The following SLC1A1 variants were observed in gnomAD, a reference collection of about 807,000 sequenced individuals.
SLC1A1 encodes excitatory amino acid transporter 3.
A neutral mutation model predicts 53.3 loss-of-function variants in SLC1A1; 43 were observed. The ratio of observed to expected loss-of-function variants is 0.81; its 90% CI spans 0.63 to 1.04. The LOEUF is 1.04. Ranked by LOEUF, SLC1A1 falls within the 50% of genes least tolerant of loss-of-function variation. The pLI, the probability that SLC1A1 is intolerant of heterozygous loss-of-function variation, is 0.00. For synonymous variants in SLC1A1, 307 were observed against 243.2 expected (o/e 1.26, Z -2.44); for missense variants, 748 against 664.9 (o/e 1.12, Z -1.37).
At chr9:4,563,330 C>A (rs1163130980) in intron 3 of SLC1A1, among the ~76,000 whole-genome samples, 1 of 152,086 alleles carries the variant, frequency 6.6e-6, no homozygotes, top group Non-Finnish European at 1.5e-5. Context: ...TAAAACAAAA[C>A]CACATCATCT....
chr9:4,503,270 A>C (rs1034103224), intron 1 of SLC1A1, among the ~76,000 whole-genome samples: 3 of 151,866 alleles, frequency 2.0e-5, no homozygotes, highest in African/African-American at 7.3e-5. Flanking sequence ...CTGTTAATCA[A>C]ACAGAATTGG....
At chr9:4,557,813 G>T (rs10815021) in intron 2 of SLC1A1, among the ~76,000 whole-genome samples, 2 of 151,816 alleles carry the variant, frequency 1.3e-5, no homozygotes, top group Admixed American at 1.3e-4. Flanking sequence ...GTAGCACATG[G>T]ATAGAGCCAA....
intron 1 of SLC1A1, among the ~76,000 whole-genome samples, chr9:4,527,792 A>C (rs779981204): frequency 6.6e-6 from 1 of 152,020 alleles, no homozygotes; most frequent in Non-Finnish European, 1.5e-5. Context: ...CACTTCACTG[A>C]TCTAGTAGAT....
At chr9:4,579,196 G>A (rs1820835731) in intron 10 of SLC1A1, among the ~76,000 whole-genome samples, 1 of 152,228 alleles carries the variant, frequency 6.6e-6, no homozygotes, top group African/African-American at 2.4e-5. Flanking sequence ...GTGCCAAAGA[G>A]ATTGAGCAAA....
chr9:4,535,530 T>G (rs1816642790), intron 1 of SLC1A1, among the ~76,000 whole-genome samples: 1 of 152,090 alleles, frequency 6.6e-6, no homozygotes, highest in South Asian at 2.1e-4. Flanking sequence ...CAAGGAGAAC[T>G]ACAAACCACT....
intron 7 of SLC1A1, 23 bp from the exon 8 acceptor site, chr9:4,573,884 C>T (rs759001563): frequency 1.4e-6 from 2 of 1,480,222 alleles, no homozygotes; most frequent in South Asian, 2.3e-5. Flanking sequence ...CGGAATCACG[C>T]CTCTGTTGTG....
rs554489215 is a variant in SLC1A1, at chr9:4,520,745, T to G, written c.92-23822T>G. Among the ~76,000 whole-genome samples the G allele has an allele frequency of 2.9e-4, 44 of 152,218 alleles. 1 individual carries two copies. Among genetic ancestry groups the G allele is most frequent in the Admixed American group, 8.5e-4 (13 of 15,284 alleles). ...GAACATTTCTTGTACAGTTTTTGTG[T>G]AAGGACATGTTTTCAATTCCAGAGG... On this transcript the variant is annotated intron_variant, in intron 1 of 11. Coordinates refer to ENST00000262352, the MANE Select transcript of SLC1A1 (RefSeq NM_004170.6).
chr9:4,514,023 T>C (rs978613787), intron 1 of SLC1A1, among the ~76,000 whole-genome samples: 1 of 152,140 alleles, frequency 6.6e-6, no homozygotes, highest in Non-Finnish European at 1.5e-5. Context: ...TAGTGGTTGC[T>C]AGAGGTTAGG....
At position 4,556,981 on chromosome 9, in the gene SLC1A1, G is replaced by A. The variant is rs1367392816; in HGVS notation, c.233-4468G>A. On this transcript the variant is annotated intron_variant, in intron 2 of 11. Transcript: ENST00000262352. This position sits in a 1 kb window ranked among gnomAD's most constrained non-coding sequence, Gnocchi z 4.1. ...GAGATGTTACATGTGTTCCCCTGTG[G>A]AGTCTTTTATGGCTGAAAAGTGTTC... Among the ~76,000 whole-genome samples, 1 of 152,126 alleles carries A rather than the reference G, an allele frequency of 6.6e-6. No individual in the cohort carries two copies. The highest frequency in any genetic ancestry group is 1.5e-5 in the Non-Finnish European group (1 of 68,022).
Position 4,544,515 on chromosome 9 carries a change from G to A in SLC1A1, c.92-52G>A, listed in dbSNP as rs1817290970. 11 of 1,545,562 alleles carry A rather than the reference G, an allele frequency of 7.1e-6. No homozygotes were observed. In the East Asian group the frequency reaches 2.2e-4, roughly 32 times the overall value. The stretch of plus-strand genomic sequence containing the variant: ...GTATTTTTCCATAGACATAGATACA[G>A]GAGAACTCAATAATGTTCCTCTTCC... On this transcript the variant is annotated intron_variant, in intron 1 of 11. Coordinates refer to ENST00000262352, the MANE Select transcript of SLC1A1 (RefSeq NM_004170.6).
At position 4,576,696 on chromosome 9, in the gene SLC1A1, G is replaced by T; in HGVS notation, c.1126G>T (p.Val376Leu). 1 of 1,614,246 alleles carries T rather than the reference G, an allele frequency of 6.2e-7. No individual in the cohort carries two copies. The highest frequency in any genetic ancestry group is 2.2e-5 in the East Asian group (1 of 44,878). ...GGATGGGACTGCGCTCTATGAAGCAGTGGCAGCGGTGTTTATTGCACAGTT... is the reference window on the plus strand; with the variant it reads ...GGATGGGACTGCGCTCTATGAAGCATTGGCAGCGGTGTTTATTGCACAGTT... ...NMDGTALYEA[V>L]AAVFIAQLND... Residue 376 changes from valine to leucine, a missense_variant, in exon 10 of 12, where the codon GTG becomes TTG. Coordinates refer to ENST00000262352, the MANE Select transcript of SLC1A1 (RefSeq NM_004170.6).
chr9:4,528,919 T>A (rs1816367311), intron 1 of SLC1A1, among the ~76,000 whole-genome samples: 1 of 152,102 alleles, frequency 6.6e-6, no homozygotes, highest in Non-Finnish European at 1.5e-5. Context: ...ACTGAACTCA[T>A]CATCTTTAGA....
At chr9:4,508,592 C>G (rs983881194) in intron 1 of SLC1A1, among the ~76,000 whole-genome samples, 3 of 152,180 alleles carry the variant, frequency 2.0e-5, no homozygotes, top group East Asian at 1.9e-4. Flanking sequence ...GAACATCTCA[C>G]AAGTCAGGAG....
In SLC1A1 at chr9:4,583,204, G is replaced by T. The variant is rs985385941; in HGVS notation, c.1328+32G>T. ...TGGAATAAATGCACTGCCTTAGCTG[G>T]ATGTGCAGGCGGGCTTCCCAGCCTC... is the stretch of plus-strand genomic sequence containing the variant. On this transcript the variant is annotated intron_variant, in intron 11 of 11. Transcript: ENST00000262352. The surrounding 1 kb of genome is among the most constrained non-coding windows in gnomAD (Gnocchi z 4.6). 3 of 1,613,950 alleles carry T rather than the reference G, an allele frequency of 1.9e-6. No homozygotes were observed. The African/African-American group carries it at 4.0e-5, about 22-fold the overall frequency.
chr9:4,577,417 G>A lies in SLC1A1; in HGVS notation c.1193+654G>A, dbSNP rs559193865. On this transcript the variant is annotated intron_variant, in intron 10 of 11. Coordinates refer to ENST00000262352, the MANE Select transcript of SLC1A1 (RefSeq NM_004170.6). ...GGTCATGTCATGAAAGGTTTTGTAC[G>A]AAGAGCTTGTGGAAAGCTCTTAGAT... 1.7e-4 allele frequency among the ~76,000 whole-genome samples: 26 copies of A among 152,294 alleles called. 1 individual carries two copies. The highest frequency in any genetic ancestry group is 4.8e-4 in the African/African-American group (20 of 41,554).
chr9:4,556,272 G>A lies in SLC1A1; in HGVS notation c.233-5177G>A, dbSNP rs1006562896. Reference sequence around the variant, plus strand: ...TGACCTCAGGTGATCCACCTGCCTGGGCCTCCCAAAGTGCTGGGATTACCG... The same window carrying A: ...TGACCTCAGGTGATCCACCTGCCTGAGCCTCCCAAAGTGCTGGGATTACCG... On this transcript the variant is annotated intron_variant, in intron 2 of 11. Coordinates refer to ENST00000262352, the MANE Select transcript of SLC1A1 (RefSeq NM_004170.6). This position sits in a 1 kb window ranked among gnomAD's most constrained non-coding sequence, Gnocchi z 4.1. Among the ~76,000 whole-genome samples, 11 of 152,038 alleles carry A rather than the reference G, an allele frequency of 7.2e-5. No individual in the cohort carries two copies. Among genetic ancestry groups the A allele is most frequent in the African/African-American group, 2.7e-4 (11 of 41,408 alleles).
At position 4,536,252 on chromosome 9, in the gene SLC1A1, T is replaced by C. The variant is rs138846257; in HGVS notation, c.92-8315T>C. On this transcript the variant is annotated intron_variant, in intron 1 of 11. Transcript: ENST00000262352. ...CAAAAGAAACTGCCATCAGAGTGAA[T>C]AGGCAACCTACAGAATGGGAGAAAA... is the stretch of plus-strand genomic sequence containing the variant. 7.0e-3 allele frequency among the ~76,000 whole-genome samples: 1,067 copies of C among 152,092 alleles called. 5 individuals carry two copies. The highest frequency in any genetic ancestry group is 0.02 in the Middle Eastern group (6 of 294).
intron 1 of SLC1A1, among the ~76,000 whole-genome samples, chr9:4,531,254 G>A (rs950630125): frequency 3.9e-5 from 6 of 152,216 alleles, no homozygotes; most frequent in African/African-American, 9.6e-5. Context: ...GAAGCAGGGC[G>A]AGGCATCGCC....
rs115110710 is a variant in SLC1A1 at position 4,514,762 on chromosome 9, A to G, written c.91+23992A>G. On this transcript the variant is annotated intron_variant, in intron 1 of 11. Transcript: ENST00000262352. ...CGCCAGATTTGCATCCTGGAAAGAT[A>G]GCTCTGACTTAGTTTGCAGAATGAA... is the stretch of plus-strand genomic sequence containing the variant. 5.4e-3 allele frequency among the ~76,000 whole-genome samples: 816 copies of G among 152,276 alleles called. 8 individuals are homozygous for G. The highest frequency in any genetic ancestry group is 0.019 in the African/African-American group (771 of 41,548).
Sources: allele counts gnomAD v4.1 joint callset (sites outside exome capture counted in the v4.1 genomes callset), GRCh38; gene constraint gnomAD v4.1.1; non-coding constraint Gnocchi (gnomAD v3.1); transcripts MANE v1.5; gene names NCBI Gene and HGNC (gene_info 2026-07-23, HGNC 2026-07-21).